ROR1: variants seen among roughly 807,000 people sequenced by gnomAD.
ROR1 encodes the protein ROR family WNT receptor 1, also known as inactive tyrosine-protein kinase transmembrane receptor ROR1.
In ROR1, 19 loss-of-function variants were observed where a neutral mutation model predicts 78.8. The observed-to-expected ratio is 0.24, with a 90% CI of 0.17 to 0.35. The LOEUF is 0.35. ROR1 is among the 10% of genes least tolerant of loss of function. The pLI, the probability that ROR1 is intolerant of heterozygous loss-of-function variation, is 1.00. For synonymous variants in ROR1, 386 were observed against 433.6 expected, an observed-to-expected ratio of 0.89 and a Z score of 1.36; for missense variants, 917 against 1,177.8, an observed-to-expected ratio of 0.78 and a Z score of 3.24.
intron 1 of ROR1, among the ~76,000 whole-genome samples, chr1:63,995,027 T>C (rs1472504550): frequency 6.6e-6 from 1 of 152,172 alleles, no homozygotes; most frequent in Non-Finnish European, 1.5e-5. Flanking sequence ...TTTGTGAAAG[T>C]TCCTATGCAG....
chr1:63,939,713 G>A (rs1236962998), intron 1 of ROR1, among the ~76,000 whole-genome samples: 1 of 152,148 alleles, frequency 6.6e-6, no homozygotes, highest in African/African-American at 2.4e-5. Context: ...CACCTACCAT[G>A]GAGGGGTGTT....
At chr1:64,143,716 G>A (rs1351730711) in intron 7 of ROR1, among the ~76,000 whole-genome samples, 3 of 152,198 alleles carry the variant, frequency 2.0e-5, no homozygotes, top group Non-Finnish European at 4.4e-5. Context: ...AGTAGGCATA[G>A]CACATCCACA....
chr1:63,797,344 CT>C (rs1644767097), intron 1 of ROR1, among the ~76,000 whole-genome samples: 1 of 152,180 alleles, frequency 6.6e-6, no homozygotes. Context: ...GTGGGGCCAG[CT>C]TTTTTTCTGC....
intron 1 of ROR1, among the ~76,000 whole-genome samples, chr1:63,966,315 C>T (rs1646075428): frequency 6.6e-6 from 1 of 152,170 alleles, no homozygotes; most frequent in South Asian, 2.1e-4. Flanking sequence ...GGGTCTCCCG[C>T]GTGGATTCCT....
intron 1 of ROR1, among the ~76,000 whole-genome samples, chr1:63,911,986 G>T (rs1001238575): frequency 6.6e-6 from 1 of 152,036 alleles, no homozygotes; most frequent in Admixed American, 6.6e-5. Flanking sequence ...ATACAAAGGC[G>T]AATTAAGATG....
chr1:64,030,549 C>T (rs1183188281), intron 2 of ROR1, among the ~76,000 whole-genome samples: 3 of 152,186 alleles, frequency 2.0e-5, no homozygotes, highest in Non-Finnish European at 4.4e-5. Flanking sequence ...AGCCTACCTC[C>T]GTCACTCATT....
chr1:63,835,117 A>G (rs1428814573), intron 1 of ROR1, among the ~76,000 whole-genome samples: 2 of 152,052 alleles, frequency 1.3e-5, no homozygotes, highest in African/African-American at 4.8e-5. Context: ...TTAACCTCCC[A>G]TAATGGAAAA....
At chr1:63,775,409 T>C (rs1480277434) in intron 1 of ROR1, 1 of 152,126 alleles carries the variant, frequency 6.6e-6, no homozygotes, top group Non-Finnish European at 1.5e-5. Flanking sequence ...GATTCATTCT[T>C]TGGAGGTTGG....
At chr1:63,957,660 C>T (rs1645994292) in intron 1 of ROR1, among the ~76,000 whole-genome samples, 1 of 152,074 alleles carries the variant, frequency 6.6e-6, no homozygotes, top group Non-Finnish European at 1.5e-5. Flanking sequence ...GTTGATCTGG[C>T]CATTCATTCA....
Position 64,140,424 on chromosome 1 carries a change from A to AAAGT in ROR1, c.928+3_928+6dup. On this transcript the variant is annotated frameshift_variant and splice_region_variant, in exon 6 of 9. Transcript: ENST00000371079. LOFTEE classifies it high-confidence loss of function. ...ATTCCCATGGCAGATCCTATAAATA[A>AAAGT]AAGTAAGTGGTAGCCCCTGACCTTC... 3 of 1,612,492 alleles carry AAAGT rather than the reference A, an allele frequency of 1.9e-6. No homozygotes were observed. In the East Asian group the frequency reaches 6.7e-5, roughly 36 times the overall value.
chr1:64,077,286 T>G (rs1286878542), intron 4 of ROR1, among the ~76,000 whole-genome samples: 1 of 152,234 alleles, frequency 6.6e-6, no homozygotes. Flanking sequence ...ATCACTCCAT[T>G]GGATACTTAA....
chr1:63,779,137 G>GA (rs1389274590), intron 1 of ROR1, among the ~76,000 whole-genome samples: 1 of 152,210 alleles, frequency 6.6e-6, no homozygotes, highest in African/African-American at 2.4e-5. Context: ...GGTTCTGGAA[G>GA]AATTACATTT....
At chr1:63,997,843 T>A (rs1207382410) in intron 1 of ROR1, among the ~76,000 whole-genome samples, 5 of 149,382 alleles carry the variant, frequency 3.3e-5, no homozygotes, top group South Asian at 2.1e-4. Context: ...TTTTTTTTTT[T>A]AAAAGTCTTT....
intron 4 of ROR1, among the ~76,000 whole-genome samples, chr1:64,058,413 C>A (rs1175385685): frequency 6.6e-6 from 1 of 151,594 alleles, no homozygotes; most frequent in Non-Finnish European, 1.5e-5. Context: ...TTTACCTTAT[C>A]TTTAGTGAAA....
intron 1 of ROR1, among the ~76,000 whole-genome samples, chr1:63,996,996 C>T (rs1407836721): frequency 6.6e-6 from 1 of 152,142 alleles, no homozygotes; most frequent in Non-Finnish European, 1.5e-5. Flanking sequence ...AATGTCTGTT[C>T]TGTGTACGGA....
rs116023497 is a variant in ROR1, at chr1:63,870,261, C to T, written c.91+95753C>T. Among the ~76,000 whole-genome samples the T allele has an allele frequency of 5.7e-3, 872 of 152,252 alleles. 13 individuals are homozygous for T. Among genetic ancestry groups the T allele is most frequent in the Middle Eastern group, 0.024 (7 of 294 alleles). On this transcript the variant is annotated intron_variant, in intron 1 of 8. Coordinates refer to ENST00000371079, the MANE Select transcript of ROR1 (RefSeq NM_005012.4). ...TCTCAAGTTTAATCATGTCTGCATG[C>T]GGACATTTAGCTATCCTTAGAGAGC...
At chr1:63,815,780 CAT>C (rs770878013) in intron 1 of ROR1, among the ~76,000 whole-genome samples, 3 of 152,028 alleles carry the variant, frequency 2.0e-5, no homozygotes, top group Non-Finnish European at 4.4e-5. Context: ...AGTATGGAAT[CAT>C]GTGGGGAACC....
intron 1 of ROR1, among the ~76,000 whole-genome samples, chr1:64,008,870 T>C (rs1451831898): frequency 6.6e-6 from 1 of 152,144 alleles, no homozygotes; most frequent in Non-Finnish European, 1.5e-5. Flanking sequence ...CCTGACCTTG[T>C]GATCCACCTG....
intron 1 of ROR1, among the ~76,000 whole-genome samples, chr1:63,912,421 T>C (rs964709648): frequency 1.3e-5 from 2 of 152,096 alleles, no homozygotes; most frequent in African/African-American, 4.8e-5. Flanking sequence ...AATGCAGCAT[T>C]TACAAAACGC....
Sources: allele counts gnomAD v4.1 joint callset (sites outside exome capture counted in the v4.1 genomes callset), GRCh38; gene constraint gnomAD v4.1.1; transcripts MANE v1.5; gene names NCBI Gene and HGNC (gene_info 2026-07-23, HGNC 2026-07-21).